Variants in TRPV2 observed in about 807,000 individuals in gnomAD.
TRPV2 encodes the protein transient receptor potential cation channel subfamily V member 2.
In TRPV2, 58 loss-of-function variants were observed where a neutral mutation model predicts 91.0. The observed-to-expected ratio is 0.64, with a 90% CI of 0.52 to 0.79. The LOEUF is 0.79. Among genes scored for constraint, TRPV2 ranks in the 30% least tolerant of loss-of-function variants. The pLI is 0.00. For missense variants in TRPV2, 807 were observed against 969.6 expected (o/e 0.83, Z 2.23); for synonymous variants, 417 against 414.8 (o/e 1.01, Z -0.06).
At position 16,426,393 on chromosome 17, in the gene TRPV2, A is replaced by G; in HGVS notation, c.1095+124A>G. On this transcript the variant is annotated intron_variant, in intron 6 of 14. Transcript: ENST00000338560. This position sits in a 1 kb window ranked among gnomAD's most constrained non-coding sequence, Gnocchi z 6.0. ...CCTGTGCCAGTGGGGGTGTGGCTGC[A>G]TGTCCCAGCAGGCACGACCCTGACC... 8.1e-7 allele frequency: 1 copy of G among 1,240,366 alleles called. No individual in the cohort carries two copies. The highest frequency in any genetic ancestry group is 1.1e-6 in the Non-Finnish European group (1 of 897,452). The allele number at this position is 1,240,366 out of a possible 1,614,324, so 76.8% of individuals were successfully genotyped here. A position where few individuals can be genotyped will look rare whatever the true frequency, so the allele number is the denominator to read the frequency against.
intron 13 of TRPV2, among the ~76,000 whole-genome samples, chr17:16,434,343 C>T (rs904511223): frequency 6.6e-6 from 1 of 152,008 alleles, no homozygotes; most frequent in African/African-American, 2.4e-5. Context: ...TGGCGGGCGC[C>T]TGTAGTCCCA....
chr17:16,434,049 C>A (rs370254019), intron 13 of TRPV2, among the ~76,000 whole-genome samples: 1 of 152,184 alleles, frequency 6.6e-6, no homozygotes, highest in African/African-American at 2.4e-5. Flanking sequence ...TCTGTGTCCC[C>A]CCACCCCCAA....
At chr17:16,421,083 G>C (rs1012227104) in intron 3 of TRPV2, among the ~76,000 whole-genome samples, 2 of 152,124 alleles carry the variant, frequency 1.3e-5, no homozygotes, top group Admixed American at 6.6e-5. Context: ...GTTTTCCCTT[G>C]TGTCCTTATC....
At chr17:16,429,823 C>CTT (rs796472570) in intron 10 of TRPV2, among the ~76,000 whole-genome samples, 8 of 137,010 alleles carry the variant, frequency 5.8e-5, no homozygotes, top group African/African-American at 1.9e-4. Context: ...TCCCCAGAGG[C>CTT]TTTTTTTTTT....
chr17:16,428,302 TC>T lies in TRPV2; in HGVS notation c.1351-12del. On this transcript the variant is annotated splice_polypyrimidine_tract_variant and intron_variant, in intron 8 of 14. Coordinates refer to ENST00000338560, the MANE Select transcript of TRPV2 (RefSeq NM_016113.5). The stretch of plus-strand genomic sequence containing the variant: ...GAGCAGGTTTCACAGCCCTCTGTCC[TC>T]CCTTCCTCCGCAGCTGTGGTACTTC... 6.2e-7 allele frequency: 1 copy of T among 1,614,024 alleles called. No homozygotes were observed. The highest frequency in any genetic ancestry group is 2.2e-5 in the East Asian group (1 of 44,892).
intron 3 of TRPV2, among the ~76,000 whole-genome samples, chr17:16,421,475 A>C (rs12945374): frequency 0.67 from 100,167 of 150,440 alleles, 35,529 homozygotes; most frequent in African/African-American, 0.91. Flanking sequence ...GCCTTGGCCT[A>C]CCAAAAATGC....
intron 14 of TRPV2, 138 bp from the exon 15 acceptor site, chr17:16,436,651 G>C (rs1197224610): frequency 1.8e-5 from 12 of 673,912 alleles, no homozygotes; most frequent in Non-Finnish European, 2.7e-5. Flanking sequence ...GCAGGGAGAA[G>C]GATTGCTGGC....
chr17:16,419,458 C>T (rs1190066695), intron 2 of TRPV2: 5 of 469,792 alleles, frequency 1.1e-5, no homozygotes, highest in African/African-American at 2.0e-5. Context: ...TAGAATCTCT[C>T]TGGGGATTCA....
chr17:16,417,414 T>C, intron 1 of TRPV2, 148 bp from the exon 2 acceptor site: 1 of 384,928 alleles, frequency 2.6e-6, no homozygotes, highest in Non-Finnish European at 4.8e-6. Context: ...CTAATTTTTG[T>C]ATTTTTTTTA....
intron 12 of TRPV2, 63 bp downstream of exon 12, chr17:16,432,363 G>A (rs974266993): frequency 3.8e-5 from 56 of 1,477,736 alleles, no homozygotes; most frequent in Non-Finnish European, 4.7e-5. Context: ...GGAGTGCTCC[G>A]GACCCTGCGG....
chr17:16,420,159 C>A lies in TRPV2; in HGVS notation c.245C>A (p.Ala82Glu). 7 of 1,614,058 alleles carry A rather than the reference C, an allele frequency of 4.3e-6. No homozygotes were observed. Among genetic ancestry groups the A allele is most frequent in the Non-Finnish European group, 5.9e-6 (7 of 1,179,940 alleles). ...NRFDRDRLFN[A>E]VSRGVPEDLA... ...TTTGACCGAGATCGGCTCTTCAATG[C>A]GGTCTCCCGGGGTGTCCCCGAGGAT... The change falls in exon 3 of 15, where the codon GCG (alanine) becomes GAG (glutamate). Residue 82 changes from alanine to glutamate, a missense_variant. Transcript: ENST00000338560.
Position 16,420,234 on chromosome 17 carries a change from A to G in TRPV2, c.320A>G (p.Asp107Gly), listed in dbSNP as rs999512145. ...AGCAAGACCAGCAAGTACCTCACCG[A>G]CTCGGAATACACAGGTAGACCCTGC... ...YLSKTSKYLT[D>G]SEYTEGSTGK... Residue 107 changes from aspartate (D) to glycine (G), a missense_variant, in exon 3 of 15, where the codon GAC (aspartate) becomes GGC (glycine). By Grantham distance (94) the Asp-to-Gly change is moderately conservative. Transcript: ENST00000338560. 31 of 1,613,570 alleles carry G rather than the reference A, an allele frequency of 1.9e-5. No individual in the cohort carries two copies. Among genetic ancestry groups the G allele is most frequent in the Non-Finnish European group, 2.5e-5 (30 of 1,179,660 alleles).
At chr17:16,420,017 G>A in intron 2 of TRPV2, 98 bp from the exon 3 acceptor site, 1 of 1,514,650 alleles carries the variant, frequency 6.6e-7, no homozygotes, top group Admixed American at 1.8e-5. Flanking sequence ...GGTGTGCAGT[G>A]TGTACAGGAC....
intron 5 of TRPV2, among the ~76,000 whole-genome samples, chr17:16,424,837 T>G (rs1369609866): frequency 6.6e-6 from 1 of 151,010 alleles, no homozygotes; most frequent in Non-Finnish European, 1.5e-5. Flanking sequence ...TGTGACTATC[T>G]TTTCCTTTAA....
intron 3 of TRPV2, among the ~76,000 whole-genome samples, chr17:16,421,821 T>C (rs1276788029): frequency 6.6e-6 from 1 of 150,906 alleles, no homozygotes; most frequent in Non-Finnish European, 1.5e-5. Context: ...CCTGGCCTTA[T>C]ATTATTCCCT....
rs150340998 is a variant in TRPV2 at position 16,421,363 on chromosome 17, C to A, written c.334+1115C>A. Among the ~76,000 whole-genome samples the A allele has an allele frequency of 1.7e-3, 262 of 151,914 alleles. 4 individuals carry two copies. Among genetic ancestry groups the A allele is most frequent in the African/African-American group, 6.0e-3 (247 of 41,422 alleles). The stretch of plus-strand genomic sequence containing the variant: ...TCCCGAGCAGCTGGGATTACAGGCA[C>A]CAGCCACCACACCTGGCTAATTTTT... On this transcript the variant is annotated intron_variant, in intron 3 of 14. Coordinates refer to ENST00000338560, the MANE Select transcript of TRPV2 (RefSeq NM_016113.5).
At chr17:16,417,918 A>G in intron 2 of TRPV2, 50 bp downstream of exon 2, 2 of 1,551,314 alleles carry the variant, frequency 1.3e-6, no homozygotes, top group Non-Finnish European at 1.8e-6. Context: ...GCCCAGCTCC[A>G]GCAGAGCACC....
In TRPV2 at chr17:16,433,711, TGGGA is replaced by T. The variant is rs1446249396; in HGVS notation, c.2114+17_2114+20del. 2 of 1,612,788 alleles carry T rather than the reference TGGGA, an allele frequency of 1.2e-6. No individual in the cohort carries two copies. Among genetic ancestry groups the T allele is most frequent in the East Asian group, 4.5e-5 (2 of 44,888 alleles). On this transcript the variant is annotated intron_variant, in intron 13 of 14. Transcript: ENST00000338560. ...GCTGGTGCTTCAGGTGAGTGAGTGG[TGGGA>T]GGGTCTCCTGGGGGCCTTGCTGTCC...
At chr17:16,423,202 A>G (rs1451776315) in intron 4 of TRPV2, among the ~76,000 whole-genome samples, 1 of 152,260 alleles carries the variant, frequency 6.6e-6, no homozygotes, top group Non-Finnish European at 1.5e-5. Context: ...GCATGCACCC[A>G]GACCCAGACC....
Sources: allele counts gnomAD v4.1 joint callset (sites outside exome capture counted in the v4.1 genomes callset), GRCh38; gene constraint gnomAD v4.1.1; non-coding constraint Gnocchi (gnomAD v3.1); transcripts MANE v1.5; gene names NCBI Gene and HGNC (gene_info 2026-07-23, HGNC 2026-07-21).